ESYT2: variants seen among roughly 807,000 people sequenced by gnomAD.
ESYT2 encodes the protein extended synaptotagmin-2.
Under a neutral mutation model 107.2 loss-of-function variants are expected in ESYT2, and 54 were observed. The ratio of observed to expected loss-of-function variants is 0.50; its 90% CI spans 0.40 to 0.63. ESYT2 has a LOEUF of 0.63. Ranked by LOEUF, ESYT2 falls within the 30% of genes least tolerant of loss-of-function variation. The probability of loss-of-function intolerance (pLI) is 0.00; values close to 1 mark genes in which losing one functional copy is unlikely to be tolerated. For synonymous variants in ESYT2, 491 were observed against 434.1 expected (o/e 1.13, Z -1.63); for missense variants, 1,020 against 1,094.5 (o/e 0.93, Z 0.96).
chr7:158,763,058 A>G (rs1838028631), intron 10 of ESYT2, 25 bp downstream of exon 10: 1 of 1,586,554 alleles, frequency 6.3e-7, no homozygotes, highest in Non-Finnish European at 8.6e-7. Context: ...GCCCTCCTCC[A>G]ATAACCACAA....
chr7:158,752,364 T>A (rs924283575), intron 14 of ESYT2, among the ~76,000 whole-genome samples: 1 of 152,194 alleles, frequency 6.6e-6, no homozygotes, highest in East Asian at 1.9e-4. Flanking sequence ...GAGATGACCC[T>A]AACTCAACAT....
At chr7:158,761,285 C>G (rs561906295) in intron 11 of ESYT2, among the ~76,000 whole-genome samples, 1 of 152,246 alleles carries the variant, frequency 6.6e-6, no homozygotes, top group Admixed American at 6.5e-5. Flanking sequence ...AGGGACTCAA[C>G]ACGCACCTGA....
At chr7:158,811,855 GA>G (rs1304004359) in intron 1 of ESYT2, among the ~76,000 whole-genome samples, 1 of 152,242 alleles carries the variant, frequency 6.6e-6, no homozygotes, top group Non-Finnish European at 1.5e-5. Flanking sequence ...CCTGAAAGAG[GA>G]AAGTGGGAAG....
Position 158,733,560 on chromosome 7 carries a change from T to C in ESYT2, c.*647A>G, listed in dbSNP as rs1417525218. ...CTCAGTTATAAAACATTTTTCCTTATAAGCCCTTCAACTTACTTCTCAATA... is the reference window on the plus strand; with the variant it reads ...CTCAGTTATAAAACATTTTTCCTTACAAGCCCTTCAACTTACTTCTCAATA... On this transcript the variant is annotated 3_prime_UTR_variant, in exon 23 of 23. Coordinates refer to ENST00000275418, the MANE Select transcript of ESYT2 (RefSeq NM_001367773.1). 1.3e-5 allele frequency: 2 copies of C among 152,260 alleles called. No individual in the cohort carries two copies. The highest frequency in any genetic ancestry group is 4.8e-5 in the African/African-American group (2 of 41,460). 9.4% of individuals were successfully genotyped at this position (152,260 alleles called of 1,614,324 possible). A position where few individuals can be genotyped will look rare whatever the true frequency, so the allele number is the denominator to read the frequency against.
intron 14 of ESYT2, among the ~76,000 whole-genome samples, chr7:158,752,096 T>C (rs1837605986): frequency 6.6e-6 from 1 of 152,230 alleles, no homozygotes; most frequent in Admixed American, 6.5e-5. Context: ...TAGATAGAAT[T>C]TTCTTTAAAT....
chr7:158,739,916 C>A (rs1451195567), intron 18 of ESYT2, among the ~76,000 whole-genome samples: 1 of 140,838 alleles, frequency 7.1e-6, no homozygotes, highest in Non-Finnish European at 1.5e-5. Context: ...AGACCTGGGG[C>A]CATGCCAGGC....
chr7:158,783,032 C>T (rs1838974900), intron 6 of ESYT2, among the ~76,000 whole-genome samples: 1 of 152,120 alleles, frequency 6.6e-6, no homozygotes, highest in African/African-American at 2.4e-5. Flanking sequence ...CCCTCCTTCC[C>T]CATGGACACG....
chr7:158,740,321 C>T (rs116736196), intron 18 of ESYT2, among the ~76,000 whole-genome samples: 2,899 of 152,336 alleles, frequency 0.019, 96 homozygotes, highest in African/African-American at 0.066. Flanking sequence ...AGCCTGCAGG[C>T]TGCAACCCTA....
chr7:158,741,441 C>T (rs1837198287), intron 18 of ESYT2, 82 bp downstream of exon 18: 1 of 1,487,494 alleles, frequency 6.7e-7, no homozygotes, highest in Non-Finnish European at 8.9e-7. Context: ...TCATGCTCTG[C>T]TGCGTTAAAC....
At chr7:158,741,967 G>A in intron 17 of ESYT2, 71 bp from the exon 18 acceptor site, 1 of 1,462,164 alleles carries the variant, frequency 6.8e-7, no homozygotes, top group South Asian at 1.5e-5. Flanking sequence ...GAACAGCCTG[G>A]GATGTCTTTA....
chr7:158,764,302 C>T (rs1482812720), intron 9 of ESYT2, among the ~76,000 whole-genome samples: 1 of 151,924 alleles, frequency 6.6e-6, no homozygotes, highest in East Asian at 1.9e-4. Context: ...GTGAAGATGT[C>T]CTAATTTAAA....
At chr7:158,770,504 C>A (rs1189203) in intron 7 of ESYT2, among the ~76,000 whole-genome samples, 1 of 150,618 alleles carries the variant, frequency 6.6e-6, no homozygotes, top group Non-Finnish European at 1.5e-5. Flanking sequence ...TATACATATA[C>A]GATTATATAT....
chr7:158,811,269 C>T (rs984474549), intron 1 of ESYT2, among the ~76,000 whole-genome samples: 18 of 152,150 alleles, frequency 1.2e-4, no homozygotes, highest in African/African-American at 4.3e-4. Context: ...GATACTTCCC[C>T]AAATAATAAC....
chr7:158,810,056 C>T lies in ESYT2; in HGVS notation c.331-10984G>A, dbSNP rs112203951. Among the ~76,000 whole-genome samples the T allele has an allele frequency of 4.9e-3, 748 of 152,264 alleles. 6 individuals carry two copies. Among genetic ancestry groups the T allele is most frequent in the African/African-American group, 0.017 (721 of 41,558 alleles). ...AGTTTTGATGAAGACGTGGGGAAATCGAACTCTCATTTGTTGCCAGTGGTA... is the reference window on the plus strand; with the variant it reads ...AGTTTTGATGAAGACGTGGGGAAATTGAACTCTCATTTGTTGCCAGTGGTA... On this transcript the variant is annotated intron_variant, in intron 1 of 22. Coordinates refer to ENST00000275418, the MANE Select transcript of ESYT2 (RefSeq NM_001367773.1).
At chr7:158,765,736 AAAAT>A (rs1271520940) in intron 8 of ESYT2, among the ~76,000 whole-genome samples, 8 of 152,186 alleles carry the variant, frequency 5.3e-5, no homozygotes, top group South Asian at 2.1e-4. Flanking sequence ...ACCCTGTCTC[AAAAT>A]AAATAAATAA....
chr7:158,792,363 A>AC (rs1400051898), intron 4 of ESYT2, among the ~76,000 whole-genome samples: 4 of 151,116 alleles, frequency 2.6e-5, no homozygotes, highest in African/African-American at 9.7e-5. Flanking sequence ...ATCTCTACAA[A>AC]AAAAAAATAA....
chr7:158,829,274 G>T lies in ESYT2; in HGVS notation c.145C>A (p.Pro49Thr). ...CCCAGGTAGCCCAGCGCGTACACGGGCAGCAGCAGCGCGAAGCTCCGCGCC... is the reference window on the plus strand; with the variant it reads ...CCCAGGTAGCCCAGCGCGTACACGGTCAGCAGCAGCGCGAAGCTCCGCGCC... ...QLARSFALLLPVYALGYLGLS... is the reference protein window; with the variant it reads ...QLARSFALLLTVYALGYLGLS... The change falls in exon 1 of 23, where the codon CCC (proline) becomes ACC (threonine). Residue 49 changes from proline (P) to threonine (T), a missense_variant. Coordinates refer to ENST00000275418, the MANE Select transcript of ESYT2 (RefSeq NM_001367773.1). The T allele has an allele frequency of 6.6e-7, 1 of 1,520,008 alleles. No individual in the cohort carries two copies. The highest frequency in any genetic ancestry group is 8.8e-7 in the Non-Finnish European group (1 of 1,142,608). 94.2% of individuals were successfully genotyped at this position (1,520,008 alleles called of 1,614,324 possible).
At chr7:158,780,738 A>G (rs1362320405) in intron 6 of ESYT2, among the ~76,000 whole-genome samples, 1 of 152,226 alleles carries the variant, frequency 6.6e-6, no homozygotes, top group Non-Finnish European at 1.5e-5. Context: ...GAATTGCGGA[A>G]GGAAAGGACT....
At chr7:158,826,638 T>G (rs1390861994) in intron 1 of ESYT2, among the ~76,000 whole-genome samples, 1 of 150,136 alleles carries the variant, frequency 6.7e-6, no homozygotes, top group African/African-American at 2.5e-5. Context: ...CTGGCCAACA[T>G]GGTGAAACCC....
Sources: gnomAD v4.1 joint callset for allele counts (sites outside exome capture counted in the v4.1 genomes callset) on GRCh38, gnomAD v4.1.1 for gene constraint, MANE v1.5 for transcripts, NCBI Gene and HGNC (gene_info 2026-07-23, HGNC 2026-07-21) for gene names.